CCDC112: variants seen among roughly 807,000 people sequenced by gnomAD.
The protein encoded by CCDC112 is coiled-coil domain containing 112.
Under a neutral mutation model 66.3 loss-of-function variants are expected in CCDC112, and 40 were observed. The ratio of observed to expected loss-of-function variants is 0.60; its 90% confidence interval spans 0.47 to 0.79. The LOEUF (loss-of-function observed/expected upper bound fraction) is 0.79, where lower values mean the gene tolerates loss of function less well. Ranked by LOEUF, CCDC112 falls within the 30% of genes least tolerant of loss-of-function variation. The pLI is 0.00. For missense variants in CCDC112, 659 were observed against 603.8 expected, an observed-to-expected ratio of 1.09 and a Z score of -0.96; for synonymous variants, 214 against 197.2, an observed-to-expected ratio of 1.09 and a Z score of -0.71.
intron 1 of CCDC112, among the ~76,000 whole-genome samples, chr5:115,287,390 AAC>A (rs1272724837): frequency 6.6e-6 from 1 of 152,170 alleles, no homozygotes; most frequent in African/African-American, 2.4e-5. Flanking sequence ...GTTGAATTGT[AAC>A]AGTTATTTAT....
At position 115,275,568 on chromosome 5, in the gene CCDC112, T is replaced by C. The variant is rs1398512575; in HGVS notation, c.566A>G (p.Asn189Ser). Residue 189 changes from asparagine (N) to serine (S), a missense_variant, in exon 6 of 10, where the codon AAT becomes AGT. By Grantham distance (46) the Asn-to-Ser change is conservative. Coordinates refer to ENST00000379611, the MANE Select transcript of CCDC112 (RefSeq NM_001040440.3). Reference protein sequence around the residue: ...ELIKEEKTTNNELSAISRKID... With the variant: ...ELIKEEKTTNSELSAISRKID... Reference sequence around the variant, plus strand: ...TTTTCTTGATATGGCACTCAACTCATTATTAGTTGTCTTCTCTTCTTTAAT... The same window carrying C: ...TTTTCTTGATATGGCACTCAACTCACTATTAGTTGTCTTCTCTTCTTTAAT... 1 of 1,602,680 alleles carries C rather than the reference T, an allele frequency of 6.2e-7. No individual in the cohort carries two copies. Among genetic ancestry groups the C allele is most frequent in the Admixed American group, 1.7e-5 (1 of 58,568 alleles).
chr5:115,269,599 T>C, intron 8 of CCDC112, 104 bp downstream of exon 8: 1 of 760,312 alleles, frequency 1.3e-6, no homozygotes. Context: ...AAGTAGATGT[T>C]ATAGAAATAA....
Position 115,283,923 on chromosome 5 carries a change from T to C in CCDC112, c.239+864A>G, listed in dbSNP as rs114085249. On this transcript the variant is annotated intron_variant, in intron 2 of 9. Coordinates refer to ENST00000379611, the MANE Select transcript of CCDC112 (RefSeq NM_001040440.3). ...TTCTTTTTAACATTCTTCATATTTA[T>C]ATGCTGGTACTGCTGACAACATTGA... is the stretch of plus-strand genomic sequence containing the variant. 8.1e-3 allele frequency among the ~76,000 whole-genome samples: 1,233 copies of C among 152,242 alleles called. 25 individuals are homozygous for C. The highest frequency in any genetic ancestry group is 0.028 in the African/African-American group (1,179 of 41,566).
At chr5:115,280,995 C>G (rs1211215013) in intron 2 of CCDC112, among the ~76,000 whole-genome samples, 1 of 151,340 alleles carries the variant, frequency 6.6e-6, no homozygotes, top group Non-Finnish European at 1.5e-5. Flanking sequence ...TAGAGTTTCC[C>G]AATCTTTTCC....
chr5:115,278,789 T>G (rs1749317441), intron 3 of CCDC112, among the ~76,000 whole-genome samples: 1 of 152,182 alleles, frequency 6.6e-6, no homozygotes, highest in East Asian at 1.9e-4. Flanking sequence ...TAGTGCAACC[T>G]TGTATTTTGA....
chr5:115,271,534 A>G lies in CCDC112; in HGVS notation c.1011T>C (p.His337=). 1.9e-6 allele frequency: 3 copies of G among 1,610,488 alleles called. No homozygotes were observed. Among genetic ancestry groups the G allele is most frequent in the Non-Finnish European group, 2.5e-6 (3 of 1,179,174 alleles). ...GCTTTTGATTATCCTCTTGTTTATT[A>G]TGAAAAAGCACAGGTGTGTTGTCTG... ...EKADNTPVLF[H]NKQEDNQKQK... The change falls in exon 7 of 10, where the codon CAT becomes CAC. Residue 337 remains histidine, a synonymous_variant. Coordinates refer to ENST00000379611, the MANE Select transcript of CCDC112 (RefSeq NM_001040440.3).
At chr5:115,282,964 A>C (rs1304498697) in intron 2 of CCDC112, among the ~76,000 whole-genome samples, 1 of 152,122 alleles carries the variant, frequency 6.6e-6, no homozygotes, top group Admixed American at 6.6e-5. Flanking sequence ...ACAGATGAAG[A>C]AGCCTTCTCA....
In CCDC112 at chr5:115,267,190, T is replaced by G. The variant is rs1207440690; in HGVS notation, c.*686A>C. 1 of 152,194 alleles carries G rather than the reference T, an allele frequency of 6.6e-6. No individual in the cohort carries two copies. Among genetic ancestry groups the G allele is most frequent in the East Asian group, 1.9e-4 (1 of 5,202 alleles). 9.4% of individuals were successfully genotyped at this position (152,194 alleles called of 1,614,324 possible). A position where few individuals can be genotyped will look rare whatever the true frequency, so the allele number is the denominator to read the frequency against. The stretch of plus-strand genomic sequence containing the variant: ...AAGAAAACTGCATTAGCCAGGAAGA[T>G]GTGAAAGACACAAAGATTTTATAAA... On this transcript the variant is annotated 3_prime_UTR_variant, in exon 10 of 10. Transcript: ENST00000379611.
intron 7 of CCDC112, among the ~76,000 whole-genome samples, chr5:115,270,724 T>C (rs1259263805): frequency 6.6e-6 from 1 of 152,226 alleles, no homozygotes; most frequent in East Asian, 1.9e-4. Context: ...GTCTTGCCTA[T>C]GGCTACCTTT....
chr5:115,275,524 C>T lies in CCDC112; in HGVS notation c.610G>A (p.Gly204Ser). 1 of 1,613,884 alleles carries T rather than the reference C, an allele frequency of 6.2e-7. No homozygotes were observed. The highest frequency in any genetic ancestry group is 8.5e-7 in the Non-Finnish European group (1 of 1,179,952). The part of the protein sequence containing the change: ...ISRKIDTWAL[G>S]NSETEKAFRA... ...AAAGCTTTCTCTGTTTCTGAATTAC[C>T]CAAAGCCCATGTGTCAATTTTTCTT... The change falls in exon 6 of 10, where the codon GGT (glycine) becomes AGT (serine). Residue 204 changes from glycine (G) to serine (S), a missense_variant. Gly to Ser is a moderately conservative substitution (Grantham distance 56). Transcript: ENST00000379611.
chr5:115,289,266 G>C (rs777435514), intron 1 of CCDC112: 1 of 165,358 alleles, frequency 6.0e-6, no homozygotes, highest in African/African-American at 2.4e-5. Context: ...GATGACAATT[G>C]CAAGAATCTC....
At position 115,293,938 on chromosome 5, in the gene CCDC112, A is replaced by G. The variant is rs557131781; in HGVS notation, c.117+2489T>C. 4.6e-5 allele frequency among the ~76,000 whole-genome samples: 7 copies of G among 152,352 alleles called. No individual in the cohort carries two copies. In the South Asian group the frequency reaches 1.2e-3, roughly 27 times the overall value. ...CTGTTAAAGATACTTCAAAAAAGTC[A>G]TAATTCAGCAACTACAATGATCAAG... is the stretch of plus-strand genomic sequence containing the variant. On this transcript the variant is annotated intron_variant, in intron 1 of 9. Coordinates refer to ENST00000379611, the MANE Select transcript of CCDC112 (RefSeq NM_001040440.3).
At chr5:115,284,077 G>A (rs987382704) in intron 2 of CCDC112, among the ~76,000 whole-genome samples, 5 of 151,646 alleles carry the variant, frequency 3.3e-5, no homozygotes, top group African/African-American at 1.2e-4. Flanking sequence ...CAGAAACCAA[G>A]GAATTGAGAT....
At chr5:115,267,949 A>G in intron 9 of CCDC112, 31 bp from the exon 10 acceptor site, 2 of 1,563,944 alleles carry the variant, frequency 1.3e-6, no homozygotes, top group South Asian at 2.2e-5. Context: ...GCAATTGTAA[A>G]TATGTAGGAA....
At chr5:115,292,214 C>G (rs1177424977) in intron 1 of CCDC112, among the ~76,000 whole-genome samples, 4 of 152,102 alleles carry the variant, frequency 2.6e-5, no homozygotes, top group Non-Finnish European at 5.9e-5. Context: ...GTTCTTCAGT[C>G]TGGATAATGT....
In CCDC112 at chr5:115,268,898, G is replaced by C. The variant is rs143803253; in HGVS notation, c.1531C>G (p.Leu511Val). 370 of 1,593,890 alleles carry C rather than the reference G, an allele frequency of 2.3e-4. 1 individual carries two copies. The highest frequency in any genetic ancestry group is 2.9e-4 in the Non-Finnish European group (336 of 1,169,704). The stretch of plus-strand genomic sequence containing the variant: ...CTTTCTTACCTATGTGGGATATGTA[G>C]AAGTGGCCCAGAGCCTGTTGGTCCT... ...KIGPTGSGPL[L>V]HIPHRAIPTW... Residue 511 changes from leucine to valine, a missense_variant, in exon 9 of 10, where the codon CTA (leucine) becomes GTA (valine). Coordinates refer to ENST00000379611, the MANE Select transcript of CCDC112 (RefSeq NM_001040440.3).
intron 1 of CCDC112, among the ~76,000 whole-genome samples, chr5:115,290,781 G>A (rs1050069379): frequency 6.6e-6 from 1 of 151,840 alleles, no homozygotes; most frequent in African/African-American, 2.4e-5. Flanking sequence ...TTTTTGAATT[G>A]TCCATTGCTA....
intron 2 of CCDC112, among the ~76,000 whole-genome samples, chr5:115,280,008 A>C (rs1253732463): frequency 6.6e-6 from 1 of 152,242 alleles, no homozygotes; most frequent in Non-Finnish European, 1.5e-5. Flanking sequence ...TAAAATGATA[A>C]TTTAAGAAAA....
chr5:115,285,038 C>G (rs145253358), intron 1 of CCDC112, 130 bp from the exon 2 acceptor site: 1 of 707,990 alleles, frequency 1.4e-6, no homozygotes, highest in Admixed American at 2.6e-5. Context: ...TCTCACTTAA[C>G]TCTTAAAAGT....
Sources: allele counts gnomAD v4.1 joint callset (sites outside exome capture counted in the v4.1 genomes callset), GRCh38; gene constraint gnomAD v4.1.1; transcripts MANE v1.5; gene names NCBI Gene and HGNC (gene_info 2026-07-23, HGNC 2026-07-21).